The following SEMA5A variants were observed in gnomAD, a reference collection of about 807,000 sequenced individuals.
SEMA5A encodes the protein semaphorin 5A.
Under a neutral mutation model 135.5 loss-of-function variants are expected in SEMA5A, and 55 were observed. The observed-to-expected ratio is 0.41, with a 90% CI of 0.33 to 0.51. The LOEUF (loss-of-function observed/expected upper bound fraction) is 0.51. Among genes scored for constraint, SEMA5A ranks in the 20% least tolerant of loss-of-function variants. The probability of loss-of-function intolerance (pLI) is 0.37; values close to 1 mark genes in which losing one functional copy is unlikely to be tolerated. For synonymous variants in SEMA5A, 580 were observed against 546.5 expected, an observed-to-expected ratio of 1.06 and a Z score of -0.85; for missense variants, 1,290 against 1,419.9, an observed-to-expected ratio of 0.91 and a Z score of 1.47.
chr5:9,524,771 T>C (rs192938291), intron 1 of SEMA5A, among the ~76,000 whole-genome samples: 3 of 152,286 alleles, frequency 2.0e-5, no homozygotes, highest in East Asian at 1.9e-4. Context: ...AAAATAAATA[T>C]ATACATAAAC....
chr5:9,294,899 A>G (rs900254110), intron 5 of SEMA5A, among the ~76,000 whole-genome samples: 1 of 152,070 alleles, frequency 6.6e-6, no homozygotes. Context: ...CAGAATTCTC[A>G]ATTAGCCTTT....
intron 16 of SEMA5A, among the ~76,000 whole-genome samples, chr5:9,104,350 T>C (rs1289357933): frequency 1.3e-5 from 2 of 152,204 alleles, no homozygotes; most frequent in Non-Finnish European, 2.9e-5. Flanking sequence ...TAATACAGGA[T>C]TTCAGGCAAT....
At chr5:9,483,043 G>T (rs1367714372) in intron 1 of SEMA5A, among the ~76,000 whole-genome samples, 2 of 152,136 alleles carry the variant, frequency 1.3e-5, no homozygotes, top group African/African-American at 2.4e-5. Flanking sequence ...GGTAAATATT[G>T]CATTAAATTG....
chr5:9,524,539 G>A (rs547643718), intron 1 of SEMA5A, among the ~76,000 whole-genome samples: 9 of 152,180 alleles, frequency 5.9e-5, no homozygotes, highest in African/African-American at 1.7e-4. Context: ...ACTGTCTCTC[G>A]GAGCCCTTTG....
chr5:9,342,827 G>A (rs1753708786), intron 3 of SEMA5A, among the ~76,000 whole-genome samples: 1 of 152,224 alleles, frequency 6.6e-6, no homozygotes, highest in Admixed American at 6.5e-5. Flanking sequence ...GGCATTGTAA[G>A]AGTGAGTGTT....
chr5:9,196,738 G>T (rs1279360128), intron 10 of SEMA5A, among the ~76,000 whole-genome samples: 3 of 152,120 alleles, frequency 2.0e-5, no homozygotes, highest in African/African-American at 7.2e-5. Context: ...CTTCCCAACA[G>T]GGAATCCCAC....
intron 1 of SEMA5A, among the ~76,000 whole-genome samples, chr5:9,451,604 A>G: frequency 6.6e-6 from 1 of 152,200 alleles, no homozygotes; most frequent in African/African-American, 2.4e-5. Flanking sequence ...TTGATGCAAT[A>G]ATATGGTGGT....
intron 16 of SEMA5A, among the ~76,000 whole-genome samples, chr5:9,086,270 A>T (rs975937123): frequency 1.3e-5 from 2 of 152,016 alleles, no homozygotes; most frequent in African/African-American, 4.8e-5. Context: ...TTTGGGAGGG[A>T]CCAGGGGCAG....
In SEMA5A at chr5:9,154,556, C is replaced by G. The variant is rs768200410; in HGVS notation, c.1413G>C (p.Leu471=). Residue 471 remains leucine (L), a synonymous_variant, in exon 12 of 23, where the codon CTG becomes CTC. Transcript: ENST00000382496. The part of the protein sequence containing the change: ...SLQILHSQSV[L]FVGLREHVVK... ...CCACGTGCTCCCGCAGGCCCACGAACAGGACACTCTGGCTGTGCAGGATCT... is the reference window on the plus strand; with the variant it reads ...CCACGTGCTCCCGCAGGCCCACGAAGAGGACACTCTGGCTGTGCAGGATCT... 1 of 1,613,328 alleles carries G rather than the reference C, an allele frequency of 6.2e-7. No homozygotes were observed. The highest frequency in any genetic ancestry group is 8.5e-7 in the Non-Finnish European group (1 of 1,179,982).
chr5:9,047,994 G>T (rs1736363158), intron 21 of SEMA5A, among the ~76,000 whole-genome samples: 1 of 152,026 alleles, frequency 6.6e-6, no homozygotes, highest in South Asian at 2.1e-4. Context: ...CACACGTCTG[G>T]CAGCAGGCAC....
intron 5 of SEMA5A, among the ~76,000 whole-genome samples, chr5:9,307,668 G>C (rs750323057): frequency 2.6e-5 from 4 of 152,074 alleles, no homozygotes; most frequent in Admixed American, 6.6e-5. Flanking sequence ...TTTTGGAAGG[G>C]ACATACAGAT....
chr5:9,059,940 G>T (rs942852676), intron 18 of SEMA5A, among the ~76,000 whole-genome samples: 2 of 152,130 alleles, frequency 1.3e-5, no homozygotes, highest in African/African-American at 4.8e-5. Flanking sequence ...AACCCAACAG[G>T]GTTAAAGAAG....
chr5:9,169,342 T>TCTC (rs1240824812), intron 11 of SEMA5A, among the ~76,000 whole-genome samples: 3 of 152,206 alleles, frequency 2.0e-5, no homozygotes, highest in Non-Finnish European at 4.4e-5. Context: ...CTCTTAAGTT[T>TCTC]CTCCTATATC....
chr5:9,403,111 A>C (rs1388686820), intron 2 of SEMA5A, among the ~76,000 whole-genome samples: 1 of 152,170 alleles, frequency 6.6e-6, no homozygotes, highest in African/African-American at 2.4e-5. Context: ...ATGAAGATCC[A>C]CTACAAATGC....
rs900119657 is a variant in SEMA5A, at chr5:9,132,936, G to A, written c.1599+3568C>T. Among the ~76,000 whole-genome samples, 29 of 152,266 alleles carry A rather than the reference G, an allele frequency of 1.9e-4. 1 individual carries two copies. The highest frequency in any genetic ancestry group is 8.5e-4 in the Admixed American group (13 of 15,298). ...ATACATACCTCTATGATCTATATAC[G>A]TAGAAGTAGGTAACAGTGTTTACTG... On this transcript the variant is annotated intron_variant, in intron 13 of 22. Coordinates refer to ENST00000382496, the MANE Select transcript of SEMA5A (RefSeq NM_003966.3).
chr5:9,068,425 G>T (rs947021896), intron 16 of SEMA5A, among the ~76,000 whole-genome samples: 1 of 152,152 alleles, frequency 6.6e-6, no homozygotes, highest in Non-Finnish European at 1.5e-5. Flanking sequence ...AGCCATGGAG[G>T]ATCTGGGAGC....
In SEMA5A at chr5:9,545,832, G is replaced by A. The variant is rs1738362847; in HGVS notation, c.-423C>T. 1 of 152,334 alleles carries A rather than the reference G, an allele frequency of 6.6e-6. No homozygotes were observed. Among genetic ancestry groups the A allele is most frequent in the African/African-American group, 2.4e-5 (1 of 41,452 alleles). The allele number at this position is 152,334 out of a possible 1,614,324, so 9.4% of individuals were successfully genotyped here. A position where few individuals can be genotyped will look rare whatever the true frequency, so the allele number is the denominator to read the frequency against. ...TTCGCGCCCAGCAGAGACGACCCTC[G>A]AGGTGGCAAAGTTGGGTGTCCAAGC... On this transcript the variant is annotated 5_prime_UTR_variant, in exon 1 of 23. Transcript: ENST00000382496. This position sits in a 1 kb window ranked among gnomAD's most constrained non-coding sequence, Gnocchi z 4.5.
chr5:9,148,620 C>T (rs184099879), intron 12 of SEMA5A, among the ~76,000 whole-genome samples: 24 of 152,294 alleles, frequency 1.6e-4, no homozygotes, highest in African/African-American at 5.5e-4. Flanking sequence ...CACTAGGATA[C>T]AGCTTTAGGC....
intron 15 of SEMA5A, among the ~76,000 whole-genome samples, chr5:9,118,057 T>C (rs879515696): frequency 6.6e-5 from 10 of 152,244 alleles, no homozygotes; most frequent in Non-Finnish European, 1.2e-4. Flanking sequence ...ATCTAAACAG[T>C]AAGTCTGTTG....
Sources: allele counts gnomAD v4.1 joint callset (sites outside exome capture counted in the v4.1 genomes callset), GRCh38; gene constraint gnomAD v4.1.1; non-coding constraint Gnocchi (gnomAD v3.1); transcripts MANE v1.5; gene names NCBI Gene and HGNC (gene_info 2026-07-23, HGNC 2026-07-21).